The following CLCN5 variants were observed in gnomAD, a reference collection of about 807,000 sequenced individuals.
CLCN5 encodes Cl-/H+ antiporter 5.
CLCN5 carries 17 observed loss-of-function variants against 54.0 expected under a neutral mutation model. The observed-to-expected ratio is 0.31, with a 90% CI of 0.22 to 0.47. The LOEUF is 0.47. Among genes scored for constraint, CLCN5 ranks in the 20% least tolerant of loss-of-function variants. The pLI is 1.00. For missense variants in CLCN5, 448 were observed against 646.7 expected, an observed-to-expected ratio of 0.69 and a Z score of 3.33; for synonymous variants, 222 against 233.0, an observed-to-expected ratio of 0.95 and a Z score of 0.43.
At chrX:49,962,255 G>T (rs191861527) in intron 3 of CLCN5, among the ~76,000 whole-genome samples, 2 of 111,914 alleles carry the variant, frequency 1.8e-5, no homozygotes, top group Non-Finnish European at 3.8e-5. Flanking sequence ...TAAATAAAAA[G>T]GCAGCTTCTG....
In CLCN5 at chrX:50,097,890, T is replaced by C. The variant is rs1316582106; in HGVS notation, c.*5671T>C. 1.8e-5 allele frequency: 2 copies of C among 112,442 alleles called. No homozygotes were observed. Among genetic ancestry groups the C allele is most frequent in the African/African-American group, 6.5e-5 (2 of 30,841 alleles). The allele number at this position is 112,442 out of a possible 1,213,427, so 9.3% of individuals were successfully genotyped here. On this transcript the variant is annotated 3_prime_UTR_variant, in exon 15 of 15. Transcript: ENST00000376091. The stretch of plus-strand genomic sequence containing the variant: ...AAACTATATTACTTACTAGTACAAA[T>C]CTGTTGGAATTCAGGGGCAGTCTAA...
At chrX:49,956,263 T>G (rs782804480) in intron 3 of CLCN5, among the ~76,000 whole-genome samples, 2 of 111,844 alleles carry the variant, frequency 1.8e-5, no homozygotes, top group Non-Finnish European at 3.8e-5. Context: ...AGCAGGTGAT[T>G]GTTCCAGCTA....
intron 4 of CLCN5, among the ~76,000 whole-genome samples, chrX:50,047,670 C>A (rs1246877759): frequency 1.8e-5 from 2 of 111,481 alleles, no homozygotes; most frequent in African/African-American, 6.5e-5. Context: ...CTCTAAGGAG[C>A]TAAGGGCTCC....
chrX:49,961,885 T>G (rs1308447143), intron 3 of CLCN5, among the ~76,000 whole-genome samples: 1 of 112,154 alleles, frequency 8.9e-6, no homozygotes, highest in Admixed American at 9.4e-5. Context: ...TCTCCATCCC[T>G]GGCCAGAAGT....
intron 11 of CLCN5, among the ~76,000 whole-genome samples, chrX:50,087,575 T>C (rs1323044605): frequency 8.9e-6 from 1 of 111,936 alleles, no homozygotes; most frequent in Non-Finnish European, 1.9e-5. Flanking sequence ...GTTTGTTTCT[T>C]TCTTTTCTTT....
intron 2 of CLCN5, among the ~76,000 whole-genome samples, chrX:49,924,145 A>ATTTTTTTT (rs34424526): frequency 8.3e-5 from 7 of 84,507 alleles, no homozygotes; most frequent in African/African-American, 3.1e-4. Flanking sequence ...CCTAGCTCCT[A>ATTTTTTTT]TTTTTTTTTT....
intron 3 of CLCN5, among the ~76,000 whole-genome samples, chrX:50,016,739 C>A (rs1443879472): frequency 2.8e-5 from 3 of 108,406 alleles, no homozygotes; most frequent in Non-Finnish European, 5.7e-5. Context: ...TTTATCCCCC[C>A]TCCCCCACCC....
At chrX:49,923,241 T>C (rs1247632054) in intron 1 of CLCN5, among the ~76,000 whole-genome samples, 166 bp from the exon 2 acceptor site, 2 of 113,169 alleles carry the variant, frequency 1.8e-5, no homozygotes, top group Non-Finnish European at 3.7e-5. Context: ...CTTAGCAAAG[T>C]GGAGAAACTC....
chrX:50,063,962 C>T (rs1557190364), intron 4 of CLCN5, among the ~76,000 whole-genome samples: 3 of 108,984 alleles, frequency 2.8e-5, no homozygotes, highest in South Asian at 8.1e-4. Context: ...TTCAACAACC[C>T]TTCATGCTAA....
Position 49,922,634 on chromosome X carries a change from C to A in CLCN5, c.-363C>A, listed in dbSNP as rs1385128804. ...CGCCCTGTCACATGAGCCGCGCGCCCGCTTCGCTCCCCCTCCTCCCCGGCT... is the reference window on the plus strand; with the variant it reads ...CGCCCTGTCACATGAGCCGCGCGCCAGCTTCGCTCCCCCTCCTCCCCGGCT... On this transcript the variant is annotated 5_prime_UTR_variant, in exon 1 of 15. Coordinates refer to ENST00000376091, the MANE Select transcript of CLCN5 (RefSeq NM_001127898.4). 1 of 113,129 alleles carries A rather than the reference C, an allele frequency of 8.8e-6. No individual in the cohort carries two copies. The highest frequency in any genetic ancestry group is 1.9e-5 in the Non-Finnish European group (1 of 53,360). 9.3% of individuals were successfully genotyped at this position (113,129 alleles called of 1,213,427 possible). A position where few individuals can be genotyped will look rare whatever the true frequency, so the allele number is the denominator to read the frequency against.
intron 3 of CLCN5, among the ~76,000 whole-genome samples, chrX:49,935,647 A>T (rs1371295633): frequency 6.3e-5 from 7 of 111,940 alleles, no homozygotes; most frequent in African/African-American, 2.3e-4. Flanking sequence ...AGTTCATCTG[A>T]GACCTGAAAG....
At chrX:50,016,347 T>C (rs1557183540) in intron 3 of CLCN5, among the ~76,000 whole-genome samples, 1 of 111,447 alleles carries the variant, frequency 9.0e-6, no homozygotes, top group East Asian at 2.8e-4. Context: ...TTAGTTTCTT[T>C]TCATATTTTA....
At chrX:50,019,187 G>C (rs577103230) in intron 3 of CLCN5, among the ~76,000 whole-genome samples, 1 of 111,479 alleles carries the variant, frequency 9.0e-6, no homozygotes, top group East Asian at 2.8e-4. Flanking sequence ...ATTTCAAGGA[G>C]AATTGATCCA....
chrX:49,936,370 G>T (rs782521930), intron 3 of CLCN5, among the ~76,000 whole-genome samples: 4 of 111,729 alleles, frequency 3.6e-5, no homozygotes, highest in Non-Finnish European at 7.5e-5. Flanking sequence ...ATTATGGGTA[G>T]TGGTGCCAGG....
chrX:49,956,851 A>G (rs1927348721), intron 3 of CLCN5, among the ~76,000 whole-genome samples: 1 of 111,862 alleles, frequency 8.9e-6, no homozygotes, highest in Non-Finnish European at 1.9e-5. Context: ...CAGATATTTA[A>G]CCATCTTAGT....
chrX:49,961,408 A>G (rs1379243129), intron 3 of CLCN5, among the ~76,000 whole-genome samples: 1 of 111,805 alleles, frequency 8.9e-6, no homozygotes. Flanking sequence ...CTAATACCCA[A>G]TTGATCCATG....
At chrX:50,083,192 C>CAAA (rs35408376) in intron 9 of CLCN5, among the ~76,000 whole-genome samples, 19 of 71,156 alleles carry the variant, frequency 2.7e-4, no homozygotes, top group African/African-American at 8.5e-4. Flanking sequence ...TTATGAAAAC[C>CAAA]AAAAAAAAAA....
chrX:49,943,933 T>A (rs1282402942), intron 3 of CLCN5, among the ~76,000 whole-genome samples: 2 of 111,881 alleles, frequency 1.8e-5, no homozygotes, highest in African/African-American at 6.5e-5. Flanking sequence ...TTTCCAATTC[T>A]GTGAAGAAAG....
chrX:49,976,300 A>T (rs1290494644), intron 3 of CLCN5, among the ~76,000 whole-genome samples: 1 of 112,472 alleles, frequency 8.9e-6, no homozygotes, highest in Non-Finnish European at 1.9e-5. Flanking sequence ...AACTGCTCCT[A>T]AAGTGAAAAA....
Sources: gnomAD v4.1 joint callset for allele counts (sites outside exome capture counted in the v4.1 genomes callset) on GRCh38, gnomAD v4.1.1 for gene constraint, MANE v1.5 for transcripts, NCBI Gene and HGNC (gene_info 2026-07-23, HGNC 2026-07-21) for gene names.